Variants in PDE6A observed in about 807,000 individuals in gnomAD.
PDE6A encodes the protein rod cGMP-specific 3',5'-cyclic phosphodiesterase subunit alpha.
Under a neutral mutation model 106.3 loss-of-function variants are expected in PDE6A, and 84 were observed. The ratio of observed to expected loss-of-function variants is 0.79; its 90% CI spans 0.66 to 0.95. The LOEUF (loss-of-function observed/expected upper bound fraction) is 0.95. Among genes scored for constraint, PDE6A ranks in the 40% least tolerant of loss-of-function variants. The probability of loss-of-function intolerance (pLI) is 0.00; values close to 1 mark genes in which losing one functional copy is unlikely to be tolerated. For synonymous variants in PDE6A, 394 were observed against 386.6 expected, an observed-to-expected ratio of 1.02 and a Z score of -0.23; for missense variants, 1,052 against 1,084.9, an observed-to-expected ratio of 0.97 and a Z score of 0.43.
chr5:149,932,517 A>ATT (rs1435344107), intron 3 of PDE6A: 1 of 1,362,140 alleles, frequency 7.3e-7, no homozygotes, highest in Non-Finnish European at 1.0e-6. Context: ...AACTTGCATT[A>ATT]TTATCACGCT....
chr5:149,867,856 C>A, intron 18 of PDE6A, 57 bp from the exon 19 acceptor site: 1 of 1,509,538 alleles, frequency 6.6e-7, no homozygotes, highest in Non-Finnish European at 9.1e-7. Flanking sequence ...AATCCCCTAC[C>A]CCTGCTCCCA....
intron 7 of PDE6A, among the ~76,000 whole-genome samples, chr5:149,906,537 A>AAAAAAAAAAAAAAAAAAAAAAAC (rs1336525682): frequency 6.7e-6 from 1 of 149,452 alleles, no homozygotes; most frequent in Non-Finnish European, 1.5e-5. Flanking sequence ...AAAAAAAAAA[A>AAAAAAAAAAAAAAAAAAAAAAAC]ATCCCACCTT....
chr5:149,863,292 G>A lies in PDE6A; in HGVS notation c.2359-26C>T. On this transcript the variant is annotated intron_variant, in intron 20 of 21. Coordinates refer to ENST00000255266, the MANE Select transcript of PDE6A (RefSeq NM_000440.3). This position sits in a 1 kb window ranked among gnomAD's most constrained non-coding sequence, Gnocchi z 4.7. ...CTAGAAGAGAGAGTATGTGCCTCTG[G>A]TGCAAGGGCCAGGCCACAGGGTCTG... The A allele has an allele frequency of 6.2e-7, 1 of 1,613,592 alleles. No individual in the cohort carries two copies. Among genetic ancestry groups the A allele is most frequent in the Non-Finnish European group, 8.5e-7 (1 of 1,179,628 alleles).
chr5:149,921,825 C>T, intron 4 of PDE6A, 116 bp from the exon 5 acceptor site: 1 of 810,396 alleles, frequency 1.2e-6, no homozygotes, highest in East Asian at 2.6e-5. Context: ...GAGAAGAACT[C>T]AGTGAAACCT....
rs1431591738 is a variant in PDE6A, at chr5:149,923,570, TAACATAACAA to T, written c.859-1871_859-1862del. ...TAACATAACATAACATAACATAACA[TAACATAACAA>T]ACAACAACACTAAATAAAAGTGGCC... On this transcript the variant is annotated intron_variant, in intron 4 of 21. Coordinates refer to ENST00000255266, the MANE Select transcript of PDE6A (RefSeq NM_000440.3). Among the ~76,000 whole-genome samples the T allele has an allele frequency of 1.0e-4, 5 of 49,100 alleles. No individual in the cohort carries two copies. The East Asian group carries it at 2.9e-3, about 29-fold the overall frequency. The allele number at this position is 49,100 out of a possible 152,430, so 32.2% of individuals were successfully genotyped here. A position where few individuals can be genotyped will look rare whatever the true frequency, so the allele number is the denominator to read the frequency against.
At chr5:149,867,974 G>A in intron 18 of PDE6A, 121 bp downstream of exon 18, 1 of 1,137,664 alleles carries the variant, frequency 8.8e-7, no homozygotes, top group Non-Finnish European at 1.3e-6. Context: ...CCATGTCTTG[G>A]TAGAGGAGGA....
At chr5:149,931,306 A>G in intron 3 of PDE6A, 138 bp from the exon 4 acceptor site, 1 of 779,798 alleles carries the variant, frequency 1.3e-6, no homozygotes, top group Non-Finnish European at 2.1e-6. Flanking sequence ...AGAAATAGAC[A>G]GGTTAACTAT....
intron 1 of PDE6A, among the ~76,000 whole-genome samples, chr5:149,938,574 C>A (rs1394415968): frequency 6.6e-6 from 1 of 152,164 alleles, no homozygotes; most frequent in African/African-American, 2.4e-5. Context: ...CATGGGTTTT[C>A]CTGCCAGGAG....
At chr5:149,875,686 G>A (rs956367879) in intron 17 of PDE6A, among the ~76,000 whole-genome samples, 8 of 151,890 alleles carry the variant, frequency 5.3e-5, no homozygotes, top group African/African-American at 1.5e-4. Flanking sequence ...ACAAGGTCTC[G>A]CTATGTTGCC....
Position 149,896,691 on chromosome 5 carries a change from G to T in PDE6A, c.1473+20C>A, listed in dbSNP as rs1171302180. The T allele has an allele frequency of 1.2e-5, 20 of 1,613,878 alleles. No homozygotes were observed. Among genetic ancestry groups the T allele is most frequent in the Non-Finnish European group, 1.5e-5 (18 of 1,179,980 alleles). On this transcript the variant is annotated intron_variant, in intron 11 of 21. Transcript: ENST00000255266. ...GCACTTGTTATACATCGGGGCTCGT[G>T]CTGCCCCGGTTCAGCTCACCAGGAT... is the stretch of plus-strand genomic sequence containing the variant.
intron 13 of PDE6A, among the ~76,000 whole-genome samples, chr5:149,893,374 A>G (rs1752616863): frequency 6.6e-6 from 1 of 152,200 alleles, no homozygotes; most frequent in Non-Finnish European, 1.5e-5. Flanking sequence ...TTTCCACAGA[A>G]ACAGATGGCA....
chr5:149,913,634 T>C (rs1039540759), intron 6 of PDE6A, among the ~76,000 whole-genome samples: 2 of 152,100 alleles, frequency 1.3e-5, no homozygotes, highest in South Asian at 2.1e-4. Flanking sequence ...ATCCCTTCAG[T>C]TGGACAAAAT....
rs954324096 is a variant in PDE6A, at chr5:149,933,879, G to A, written c.717+51C>T. ...GCCTGCCAGTCCTGACCACATCAAT[G>A]CTTCAGGGAAAGGACGAGTCAAGTC... On this transcript the variant is annotated intron_variant, in intron 3 of 21. Coordinates refer to ENST00000255266, the MANE Select transcript of PDE6A (RefSeq NM_000440.3). 1.0e-5 allele frequency: 14 copies of A among 1,343,018 alleles called. No individual in the cohort carries two copies. In the Middle Eastern group the frequency reaches 5.7e-4, roughly 55 times the overall value. 83.2% of individuals were successfully genotyped at this position (1,343,018 alleles called of 1,614,324 possible).
rs112295016 is a variant in PDE6A, at chr5:149,900,377, A to G, written c.1114-853T>C. On this transcript the variant is annotated intron_variant, in intron 8 of 21. Coordinates refer to ENST00000255266, the MANE Select transcript of PDE6A (RefSeq NM_000440.3). ...ACTCCATCTCGAAAAATATATATGT[A>G]TATATATATATATATATATATCCGT... Among the ~76,000 whole-genome samples, 790 of 97,028 alleles carry G rather than the reference A, an allele frequency of 8.1e-3. 32 individuals are homozygous for G. The highest frequency in any genetic ancestry group is 0.045 in the African/African-American group (735 of 16,452). The allele number at this position is 97,028 out of a possible 152,430, so 63.7% of individuals were successfully genotyped here.
intron 13 of PDE6A, 60 bp downstream of exon 13, chr5:149,895,123 G>A: frequency 2.1e-6 from 2 of 940,922 alleles, no homozygotes; most frequent in East Asian, 2.4e-5. Flanking sequence ...TGTAGAGTCT[G>A]CATGAGATTG....
chr5:149,919,279 GGCAGAGCAC>G (rs1753638758), intron 5 of PDE6A, among the ~76,000 whole-genome samples: 1 of 152,134 alleles, frequency 6.6e-6, no homozygotes, highest in Admixed American at 6.5e-5. Context: ...GGCGGAGGTG[GGCAGAGCAC>G]TTGAGGTCAG....
chr5:149,934,768 A>T (rs1241700526), intron 1 of PDE6A, 50 bp from the exon 2 acceptor site: 1 of 1,597,752 alleles, frequency 6.3e-7, no homozygotes, highest in Non-Finnish European at 8.6e-7. Flanking sequence ...GAGCAAGAAC[A>T]GTGGAACGGC....
intron 10 of PDE6A, among the ~76,000 whole-genome samples, chr5:149,897,057 A>G (rs1201679040): frequency 1.3e-5 from 2 of 152,246 alleles, no homozygotes; most frequent in Non-Finnish European, 2.9e-5. Flanking sequence ...TAACTGGTGA[A>G]TTAAAATTTA....
chr5:149,943,114 G>C (rs1754365607), intron 1 of PDE6A, among the ~76,000 whole-genome samples: 1 of 152,134 alleles, frequency 6.6e-6, no homozygotes. Context: ...GTCTCAGTGG[G>C]GAGAAACCTT....
Sources: allele counts gnomAD v4.1 joint callset (sites outside exome capture counted in the v4.1 genomes callset), GRCh38; gene constraint gnomAD v4.1.1; non-coding constraint Gnocchi (gnomAD v3.1); transcripts MANE v1.5; gene names NCBI Gene and HGNC (gene_info 2026-07-23, HGNC 2026-07-21).